Variants in IKBKB-DT observed in about 807,000 individuals in gnomAD.
The protein encoded by IKBKB-DT is IKBKB divergent transcript.
chr8:42,259,047 T>C (rs1807246105), intron 3 of IKBKB-DT, among the ~76,000 whole-genome samples: 1 of 152,226 alleles, frequency 6.6e-6, no homozygotes, highest in Non-Finnish European at 1.5e-5. Context: ...TTTTCCGAGA[T>C]GGAGTTTCAC....
At chr8:42,244,978 G>A (rs1442247072) in intron 3 of IKBKB-DT, among the ~76,000 whole-genome samples, 1 of 152,208 alleles carries the variant, frequency 6.6e-6, no homozygotes, top group African/African-American at 2.4e-5. Flanking sequence ...GGCCGGGCGT[G>A]GTGGTTTACA....
At chr8:42,255,276 A>G (rs1656970416) in intron 3 of IKBKB-DT, 3 of 152,176 alleles carry the variant, frequency 2.0e-5, no homozygotes, top group Admixed American at 1.3e-4. Flanking sequence ...CGCATTTTCG[A>G]CATTAAAGTT....
At chr8:42,238,007 A>G (rs1806946310) in intron 3 of IKBKB-DT, among the ~76,000 whole-genome samples, 1 of 139,100 alleles carries the variant, frequency 7.2e-6, no homozygotes, top group African/African-American at 2.7e-5. Flanking sequence ...CCTGGGCAAC[A>G]GAGCAAGGCC....
At chr8:42,240,141 T>C (rs1302400968) in intron 3 of IKBKB-DT, among the ~76,000 whole-genome samples, 1 of 152,000 alleles carries the variant, frequency 6.6e-6, no homozygotes, top group Non-Finnish European at 1.5e-5. Context: ...CATAAGAAAA[T>C]TTGAAAAATT....
intron 3 of IKBKB-DT, among the ~76,000 whole-genome samples, chr8:42,257,999 A>G (rs1405409785): frequency 6.6e-6 from 1 of 151,942 alleles, no homozygotes; most frequent in East Asian, 1.9e-4. Flanking sequence ...CAAACACCTG[A>G]AAAAGACAAC....
At chr8:42,248,094 G>GA (rs757622392) in intron 3 of IKBKB-DT, among the ~76,000 whole-genome samples, 162 of 131,892 alleles carry the variant, frequency 1.2e-3, no homozygotes, top group South Asian at 1.5e-3. Flanking sequence ...CTCCGTCTCG[G>GA]AAAAAAAAAA....
intron 3 of IKBKB-DT, among the ~76,000 whole-genome samples, chr8:42,262,916 T>A (rs529084991): frequency 1.2e-4 from 18 of 152,234 alleles, no homozygotes; most frequent in Admixed American, 9.8e-4. Flanking sequence ...ATTTTTTGTA[T>A]TTTTAGTAGA....
chr8:42,262,138 G>A (rs1168848793), intron 3 of IKBKB-DT, among the ~76,000 whole-genome samples: 4 of 150,816 alleles, frequency 2.7e-5, no homozygotes, highest in Non-Finnish European at 4.4e-5. Context: ...TGAAATAGAA[G>A]GTGGGAGGGG....
rs1554502579 is a variant in IKBKB-DT, at chr8:42,239,614, T to TTTTATA, written n.1530-5756_1530-5755insTATAAA. Among the ~76,000 whole-genome samples the TTTTATA allele has an allele frequency of 1.6e-3, 32 of 19,910 alleles. 3 individuals carry two copies. The highest frequency in any genetic ancestry group is 3.3e-3 in the Admixed American group (4 of 1,212). 13.1% of individuals were successfully genotyped at this position (19,910 alleles called of 152,430 possible). On this transcript the variant is annotated intron_variant and non_coding_transcript_variant, in intron 3 of 3. Transcript: ENST00000518213. Reference sequence around the variant, plus strand: ...CCAACCAATTTTTGTAAAAGGCAATTTATATATATATATATATATATTTAT... The same window carrying TTTTATA: ...CCAACCAATTTTTGTAAAAGGCAATTTTTATATATATATATATATATATATATTTAT...
chr8:42,257,699 C>T (rs1807224649), intron 3 of IKBKB-DT, among the ~76,000 whole-genome samples: 1 of 151,870 alleles, frequency 6.6e-6, no homozygotes, highest in African/African-American at 2.4e-5. Context: ...TTTGGGAGGC[C>T]AAGGCAGGAG....
At chr8:42,255,273 T>G (rs949900110) in intron 3 of IKBKB-DT, 6 of 152,254 alleles carry the variant, frequency 3.9e-5, no homozygotes, top group African/African-American at 1.4e-4. Flanking sequence ...GTTCGCATTT[T>G]CGACATTAAA....
chr8:42,269,435 G>A (rs1352455464), intron 1 of IKBKB-DT, among the ~76,000 whole-genome samples: 1 of 85,972 alleles, frequency 1.2e-5, no homozygotes, highest in Non-Finnish European at 2.4e-5. Flanking sequence ...GAAGGGGAGG[G>A]GAAGCGAGGG....
intron 3 of IKBKB-DT, among the ~76,000 whole-genome samples, chr8:42,262,423 T>A (rs566705659): frequency 1.3e-5 from 2 of 149,336 alleles, no homozygotes; most frequent in East Asian, 3.9e-4. Context: ...AACTACCACA[T>A]TCTTTTATTT....
At chr8:42,245,045 TGA>T (rs932112938) in intron 3 of IKBKB-DT, among the ~76,000 whole-genome samples, 11 of 151,710 alleles carry the variant, frequency 7.3e-5, no homozygotes, top group African/African-American at 2.4e-4. Flanking sequence ...GTCAGGAGAT[TGA>T]GACCATCCTG....
chr8:42,258,555 G>A (rs563361015), intron 3 of IKBKB-DT, among the ~76,000 whole-genome samples: 14 of 151,052 alleles, frequency 9.3e-5, no homozygotes, highest in African/African-American at 2.7e-4. Context: ...TGCAACCTCC[G>A]CCTCCTGGAT....
intron 3 of IKBKB-DT, among the ~76,000 whole-genome samples, chr8:42,258,306 G>T (rs1481040117): frequency 2.0e-5 from 3 of 151,396 alleles, no homozygotes; most frequent in African/African-American, 4.9e-5. Flanking sequence ...TCTATTCAGG[G>T]TTTTTTTTGT....
chr8:42,256,026 CAA>C (rs57264654), intron 3 of IKBKB-DT, among the ~76,000 whole-genome samples: 29 of 129,098 alleles, frequency 2.2e-4, no homozygotes, highest in Middle Eastern at 4.1e-3. Context: ...AACTCCATCT[CAA>C]AAAAAAAAAA....
At chr8:42,239,900 A>G (rs1303411041) in intron 3 of IKBKB-DT, among the ~76,000 whole-genome samples, 1 of 151,562 alleles carries the variant, frequency 6.6e-6, no homozygotes, top group Non-Finnish European at 1.5e-5. Context: ...CAGCCTCCCA[A>G]AGTGTTGGGA....
chr8:42,262,183 G>C (rs1807297818), intron 3 of IKBKB-DT, among the ~76,000 whole-genome samples: 1 of 151,960 alleles, frequency 6.6e-6, no homozygotes, highest in Non-Finnish European at 1.5e-5. Flanking sequence ...TCTAATGCTA[G>C]ATGACAAGTT....
Sources: gnomAD v4.1 joint callset for allele counts (sites outside exome capture counted in the v4.1 genomes callset) on GRCh38, gnomAD v4.1.1 for gene constraint, MANE v1.5 for transcripts, NCBI Gene and HGNC (gene_info 2026-07-23, HGNC 2026-07-21) for gene names.